GALNT17: variants seen among roughly 807,000 people sequenced by gnomAD.
GALNT17 encodes UDP-GalNAc:polypeptide N-acetylgalactosaminyltransferase-like 3.
Under a neutral mutation model 63.7 loss-of-function variants are expected in GALNT17, and 29 were observed. The observed-to-expected ratio is 0.46, with a 90% CI of 0.34 to 0.62. The LOEUF (loss-of-function observed/expected upper bound fraction) is 0.62. GALNT17 is among the 20% of genes least tolerant of loss of function. The probability of loss-of-function intolerance (pLI) is 0.01; values close to 1 mark genes in which losing one functional copy is unlikely to be tolerated. For missense variants in GALNT17, 603 were observed against 799.6 expected (o/e 0.75, Z 2.97); for synonymous variants, 305 against 318.3 (o/e 0.96, Z 0.45).
At chr7:71,439,569 C>T (rs1184636759) in intron 5 of GALNT17, among the ~76,000 whole-genome samples, 1 of 152,162 alleles carries the variant, frequency 6.6e-6, no homozygotes, top group Non-Finnish European at 1.5e-5. Flanking sequence ...CAGCTCCCAG[C>T]GGCAGGTAGA....
intron 1 of GALNT17, among the ~76,000 whole-genome samples, chr7:71,226,680 A>T (rs56964859): frequency 0.11 from 16,985 of 151,948 alleles, 1,577 homozygotes; most frequent in African/African-American, 0.25. Flanking sequence ...CGGTTTCGCC[A>T]TGTTGGCCAG....
At chr7:71,318,064 C>T (rs571500460) in intron 1 of GALNT17, among the ~76,000 whole-genome samples, 2 of 151,582 alleles carry the variant, frequency 1.3e-5, no homozygotes, top group Non-Finnish European at 2.9e-5. Flanking sequence ...TGGGACCACG[C>T]CCGACTAGTT....
At chr7:71,498,042 G>A (rs1167395346) in intron 5 of GALNT17, among the ~76,000 whole-genome samples, 1 of 152,258 alleles carries the variant, frequency 6.6e-6, no homozygotes, top group Non-Finnish European at 1.5e-5. Context: ...CTCTGTGCAA[G>A]CAGAGAATTC....
intron 1 of GALNT17, among the ~76,000 whole-genome samples, chr7:71,141,462 A>G (rs1164422845): frequency 2.0e-5 from 3 of 151,950 alleles, no homozygotes; most frequent in Admixed American, 2.0e-4. Context: ...AAGTCCCTTC[A>G]CTTTTTAAGT....
chr7:71,479,236 T>C (rs1205185504), intron 5 of GALNT17, among the ~76,000 whole-genome samples: 2 of 152,008 alleles, frequency 1.3e-5, no homozygotes, highest in African/African-American at 4.8e-5. Flanking sequence ...TCATGATGAC[T>C]CTATGCATGA....
At chr7:71,384,033 G>A (rs529145815) in intron 2 of GALNT17, among the ~76,000 whole-genome samples, 1 of 152,124 alleles carries the variant, frequency 6.6e-6, no homozygotes, top group South Asian at 2.1e-4. Context: ...CACAGCGGCC[G>A]TAACATCCTC....
At chr7:71,446,304 A>G (rs1183678648) in intron 5 of GALNT17, among the ~76,000 whole-genome samples, 1 of 152,220 alleles carries the variant, frequency 6.6e-6, no homozygotes, top group Non-Finnish European at 1.5e-5. Context: ...TTATAAATTT[A>G]ATATTCACTG....
intron 5 of GALNT17, among the ~76,000 whole-genome samples, chr7:71,552,285 T>G (rs1789093277): frequency 1.3e-5 from 2 of 152,004 alleles, no homozygotes; most frequent in South Asian, 4.1e-4. Context: ...CCTCAAACAA[T>G]CCACCCACCT....
At chr7:71,405,892 A>G (rs1343313606) in intron 3 of GALNT17, among the ~76,000 whole-genome samples, 2 of 152,166 alleles carry the variant, frequency 1.3e-5, no homozygotes, top group African/African-American at 4.8e-5. Flanking sequence ...CACATAGCAC[A>G]CGCTCTGTGC....
chr7:71,499,267 A>C (rs966505543), intron 5 of GALNT17, among the ~76,000 whole-genome samples: 2 of 152,206 alleles, frequency 1.3e-5, no homozygotes, highest in African/African-American at 2.4e-5. Context: ...GTCATGATTT[A>C]CTGGTATTTT....
intron 1 of GALNT17, among the ~76,000 whole-genome samples, chr7:71,268,308 G>A (rs911093220): frequency 4.6e-5 from 7 of 151,806 alleles, no homozygotes; most frequent in East Asian, 3.9e-4. Flanking sequence ...CTGGGAGGTC[G>A]AGGTGGGTGG....
At chr7:71,491,313 C>T (rs891947556) in intron 5 of GALNT17, among the ~76,000 whole-genome samples, 12 of 152,142 alleles carry the variant, frequency 7.9e-5, no homozygotes, top group African/African-American at 1.4e-4. Flanking sequence ...CTGGCAGTGA[C>T]GGGGTAGGAG....
chr7:71,386,734 A>G (rs2116336676), intron 2 of GALNT17, among the ~76,000 whole-genome samples: 1 of 152,302 alleles, frequency 6.6e-6, no homozygotes, highest in African/African-American at 2.4e-5. Context: ...GGATGTCAGC[A>G]GGTTGTCCTG....
chr7:71,705,666 G>A (rs1193194708), intron 9 of GALNT17, among the ~76,000 whole-genome samples: 2 of 152,088 alleles, frequency 1.3e-5, no homozygotes, highest in Non-Finnish European at 2.9e-5. Context: ...TCAAAATGAG[G>A]AGACCACACC....
At chr7:71,392,696 C>T (rs1429694486) in intron 3 of GALNT17, among the ~76,000 whole-genome samples, 1 of 152,062 alleles carries the variant, frequency 6.6e-6, no homozygotes. Flanking sequence ...TTTGGTTCAG[C>T]CAGACCATAA....
intron 2 of GALNT17, among the ~76,000 whole-genome samples, chr7:71,374,627 A>G (rs1792686424): frequency 6.6e-6 from 1 of 152,186 alleles, no homozygotes; most frequent in Admixed American, 6.5e-5. Context: ...ACTGCAAAGG[A>G]TGTGGAGACG....
At chr7:71,544,366 T>C (rs1189941269) in intron 5 of GALNT17, among the ~76,000 whole-genome samples, 1 of 149,200 alleles carries the variant, frequency 6.7e-6, no homozygotes, top group Non-Finnish European at 1.5e-5. Flanking sequence ...ATGGTCTCAA[T>C]CTCCTGACCT....
intron 2 of GALNT17, among the ~76,000 whole-genome samples, chr7:71,366,393 C>T: frequency 6.6e-6 from 1 of 152,080 alleles, no homozygotes. Context: ...CCATCCTGGC[C>T]AACATAGTGA....
chr7:71,161,912 C>T (rs1034358004), intron 1 of GALNT17, among the ~76,000 whole-genome samples: 1 of 151,530 alleles, frequency 6.6e-6, no homozygotes, highest in African/African-American at 2.4e-5. Flanking sequence ...TGATATTGGT[C>T]CCCCCATTTA....
Sources: allele counts gnomAD v4.1 joint callset (sites outside exome capture counted in the v4.1 genomes callset), GRCh38; gene constraint gnomAD v4.1.1; transcripts MANE v1.5; gene names NCBI Gene and HGNC (gene_info 2026-07-23, HGNC 2026-07-21).